ZNF547: variants seen among roughly 807,000 people sequenced by gnomAD.
ZNF547 encodes zinc finger protein 547.
In ZNF547, 4 loss-of-function variants were observed where a neutral mutation model predicts 7.7. The ratio of observed to expected loss-of-function variants is 0.52; its 90% confidence interval spans 0.26 to 1.20. The LOEUF is 1.20. Among genes scored for constraint, ZNF547 ranks in the 50% most tolerant of loss-of-function variants. ZNF547 has a pLI of 0.14. For missense variants in ZNF547, 449 were observed against 485.8 expected (o/e 0.92, Z 0.71); for synonymous variants, 166 against 166.2 (o/e 1.00, Z 0.01).
intron 1 of ZNF547, chr19:57,364,250 AT>A (rs112859190): frequency 6.0e-3 from 874 of 146,444 alleles, no homozygotes; most frequent in South Asian, 0.01. Context: ...GTGAAGGGTC[AT>A]TTTTTTTTTT....
chr19:57,377,033 A>T, intron 3 of ZNF547, 95 bp from the exon 4 acceptor site: 1 of 1,290,820 alleles, frequency 7.7e-7, no homozygotes, highest in Non-Finnish European at 1.1e-6. Context: ...CAATTCCATG[A>T]TCATTTTCAT....
chr19:57,374,135 G>C (rs911203520), intron 3 of ZNF547, among the ~76,000 whole-genome samples: 2 of 152,188 alleles, frequency 1.3e-5, no homozygotes, highest in African/African-American at 4.8e-5. Flanking sequence ...TGAAATCTAG[G>C]TGGAGGTTCC....
At chr19:57,364,291 G>C (rs968122588) in intron 1 of ZNF547, 7 of 154,202 alleles carry the variant, frequency 4.5e-5, no homozygotes, top group African/African-American at 1.7e-4. Context: ...AATGAAGTTG[G>C]GGAAGTCAGC....
intron 3 of ZNF547, among the ~76,000 whole-genome samples, chr19:57,376,870 T>C (rs376719333): frequency 2.0e-5 from 3 of 152,308 alleles, no homozygotes; most frequent in South Asian, 2.1e-4. Flanking sequence ...TGGGCTTTTG[T>C]TACATTCCAG....
intron 1 of ZNF547, among the ~76,000 whole-genome samples, chr19:57,365,630 C>T (rs4801474): frequency 0.91 from 137,793 of 151,156 alleles, 63,155 homozygotes; most frequent in Non-Finnish European, 0.97. Flanking sequence ...CTCAGCCTCC[C>T]GAGTAGCTGG....
chr19:57,377,895 G>A lies in ZNF547; in HGVS notation c.919G>A (p.Glu307Lys). Residue 307 changes from glutamate (E) to lysine (K), a missense_variant, in exon 4 of 4, where the codon GAA becomes AAA. By Grantham distance (56) the Glu-to-Lys change is moderately conservative. Transcript: ENST00000282282. ...CAGTGAATGTGGGAAATTCTTTATG[G>A]AAAGGTCTACACTCAGTAGACATCA... is the stretch of plus-strand genomic sequence containing the variant. ...GCSECGKFFM[E>K]RSTLSRHQRV... 1 of 1,612,876 alleles carries A rather than the reference G, an allele frequency of 6.2e-7. No homozygotes were observed. The highest frequency in any genetic ancestry group is 1.3e-5 in the African/African-American group (1 of 74,538).
At position 57,379,316 on chromosome 19, in the gene ZNF547, T is replaced by G. The variant is rs1430830830; in HGVS notation, c.*1131T>G. 2 of 152,268 alleles carry G rather than the reference T, an allele frequency of 1.3e-5. No homozygotes were observed. Among genetic ancestry groups the G allele is most frequent in the Non-Finnish European group, 1.5e-5 (1 of 68,092 alleles). 9.4% of individuals were successfully genotyped at this position (152,268 alleles called of 1,614,324 possible). ...ATTCCACAAAAGTTGTGATTTGTCC[T>G]CATTCTAATCCATAGAAGGCAACAT... is the stretch of plus-strand genomic sequence containing the variant. On this transcript the variant is annotated 3_prime_UTR_variant, in exon 4 of 4. Transcript: ENST00000282282.
chr19:57,371,838 T>C lies in ZNF547; in HGVS notation c.81T>C (p.His27=), dbSNP rs779640526. 1.5e-5 allele frequency: 25 copies of C among 1,613,696 alleles called. No homozygotes were observed. Among genetic ancestry groups the C allele is most frequent in the East Asian group, 2.2e-5 (1 of 44,872 alleles). ...AIYFSQEEWG[H]LDEAQRLLYR... ...ATTTCTCCCAGGAGGAGTGGGGGCA[T>C]CTCGATGAGGCTCAGAGATTGCTGT... is the stretch of plus-strand genomic sequence containing the variant. Residue 27 remains histidine, a synonymous_variant, in exon 3 of 4, where the codon CAT becomes CAC. Coordinates refer to ENST00000282282, the MANE Select transcript of ZNF547 (RefSeq NM_173631.4).
chr19:57,364,750 T>G, intron 1 of ZNF547: 3 of 1,156,022 alleles, frequency 2.6e-6, no homozygotes, highest in Non-Finnish European at 3.7e-6. Flanking sequence ...CAAAAAAAGG[T>G]GCGGAGCGCG....
intron 2 of ZNF547, among the ~76,000 whole-genome samples, chr19:57,370,298 G>A (rs57720620): frequency 8.3e-4 from 127 of 152,254 alleles, no homozygotes; most frequent in Admixed American, 3.7e-3. Flanking sequence ...GTCCTCACAT[G>A]GTTTGGGCAC....
intron 2 of ZNF547, 74 bp downstream of exon 2, chr19:57,368,653 A>G: frequency 6.9e-7 from 1 of 1,439,580 alleles, no homozygotes. Flanking sequence ...TGTAAAGAAA[A>G]GTGGTGTCCA....
chr19:57,365,302 C>T (rs1487453543), intron 1 of ZNF547: 8 of 1,263,234 alleles, frequency 6.3e-6, no homozygotes, highest in Non-Finnish European at 7.9e-6. Flanking sequence ...ATGGTGTATA[C>T]TCAGGAATGT....
chr19:57,363,977 T>A (rs1207417080), intron 1 of ZNF547: 1 of 152,300 alleles, frequency 6.6e-6, no homozygotes, highest in Non-Finnish European at 1.5e-5. Context: ...GAATTTTCTC[T>A]TGGAATGGCA....
chr19:57,364,396 G>A (rs531712614), intron 1 of ZNF547: 88 of 184,278 alleles, frequency 4.8e-4, no homozygotes, highest in Non-Finnish European at 8.8e-4. Flanking sequence ...ACATGGGTAG[G>A]GGGACAGAAA....
chr19:57,378,406 A>G lies in ZNF547; in HGVS notation c.*221A>G, dbSNP rs2088553361. The G allele has an allele frequency of 4.3e-6, 3 of 705,020 alleles. No individual in the cohort carries two copies. The highest frequency in any genetic ancestry group is 7.8e-6 in the Non-Finnish European group (3 of 384,848). 43.7% of individuals were successfully genotyped at this position (705,020 alleles called of 1,614,324 possible). On this transcript the variant is annotated 3_prime_UTR_variant, in exon 4 of 4. Transcript: ENST00000282282. ...TGGTTTGACTCTCATCTCATTAGAC[A>G]TTGGAGAGTTTACACTGAAGAAGAG...
chr19:57,378,220 T>A lies in ZNF547; in HGVS notation c.*35T>A. 6.4e-7 allele frequency: 1 copy of A among 1,565,890 alleles called. No individual in the cohort carries two copies. Among genetic ancestry groups the A allele is most frequent in the Non-Finnish European group, 8.7e-7 (1 of 1,151,240 alleles). On this transcript the variant is annotated 3_prime_UTR_variant, in exon 4 of 4. Transcript: ENST00000282282. ...GAATGCAGTGGATATGGGAAAGCCT[T>A]CAGTCACCAACATATTGTGGCTGGA...
At chr19:57,365,759 G>C (rs1166137531) in intron 1 of ZNF547, among the ~76,000 whole-genome samples, 2 of 151,448 alleles carry the variant, frequency 1.3e-5, no homozygotes, top group Non-Finnish European at 2.9e-5. Context: ...TGCCTGCCTC[G>C]GCCTCCCAAA....
At chr19:57,366,849 A>T (rs1450366815) in intron 1 of ZNF547, among the ~76,000 whole-genome samples, 3 of 152,262 alleles carry the variant, frequency 2.0e-5, no homozygotes, top group Non-Finnish European at 4.4e-5. Context: ...TAGAGATGTT[A>T]TAAAAATGTA....
chr19:57,364,460 T>TGGA, intron 1 of ZNF547: 1 of 300,518 alleles, frequency 3.3e-6, no homozygotes, highest in Non-Finnish European at 6.4e-6. Context: ...GAATAGAGGG[T>TGGA]GGCCGGGCGT....
Sources: gnomAD v4.1 joint callset for allele counts (sites outside exome capture counted in the v4.1 genomes callset) on GRCh38, gnomAD v4.1.1 for gene constraint, MANE v1.5 for transcripts, NCBI Gene and HGNC (gene_info 2026-07-23, HGNC 2026-07-21) for gene names.